RPS6KC1: variants seen among roughly 807,000 people sequenced by gnomAD.
The protein encoded by RPS6KC1 is inactive ribosomal protein S6 kinase delta-1.
A neutral mutation model predicts 103.8 loss-of-function variants in RPS6KC1; 54 were observed. The observed-to-expected ratio is 0.52, with a 90% confidence interval of 0.42 to 0.65. The LOEUF is 0.65. Ranked by LOEUF, RPS6KC1 falls within the 30% of genes least tolerant of loss-of-function variation. The probability of loss-of-function intolerance (pLI) is 0.00; values close to 1 mark genes in which losing one functional copy is unlikely to be tolerated. For synonymous variants in RPS6KC1, 439 were observed against 438.7 expected (o/e 1.00, Z -0.01); for missense variants, 1,151 against 1,253.8 (o/e 0.92, Z 1.24).
the RPS6KC1 span, among the ~76,000 whole-genome samples, chr1:213,469,193 C>T: frequency 6.6e-6 from 1 of 152,042 alleles, no homozygotes; most frequent in African/African-American, 2.4e-5. Flanking sequence ...CAGAGAGATG[C>T]AGGATGTATA....
intron 4 of RPS6KC1, among the ~76,000 whole-genome samples, chr1:213,116,184 G>A (rs940945203): frequency 3.3e-5 from 5 of 152,078 alleles, no homozygotes; most frequent in Non-Finnish European, 7.3e-5. Context: ...ATGTGTGGTA[G>A]TCTAAGTCTC....
chr1:213,778,164 A>T, the RPS6KC1 span, among the ~76,000 whole-genome samples: 1 of 152,222 alleles, frequency 6.6e-6, no homozygotes, highest in Non-Finnish European at 1.5e-5. Flanking sequence ...TGGAAAGTAG[A>T]AGGAGTTATC....
chr1:213,808,002 C>T, the RPS6KC1 span, among the ~76,000 whole-genome samples: 1 of 152,168 alleles, frequency 6.6e-6, no homozygotes. Context: ...ACAGACAGGA[C>T]CCTCAGCTGC....
chr1:213,340,801 T>C, the RPS6KC1 span, among the ~76,000 whole-genome samples: 2 of 152,130 alleles, frequency 1.3e-5, no homozygotes, highest in African/African-American at 4.8e-5. Flanking sequence ...GGAAACTTCC[T>C]GTGAATGGAC....
At chr1:213,769,510 A>G in the RPS6KC1 span, among the ~76,000 whole-genome samples, 1 of 96,734 alleles carries the variant, frequency 1.0e-5, no homozygotes, top group Non-Finnish European at 2.3e-5. Flanking sequence ...AGAGAGAGAG[A>G]GATGGACAGA....
At chr1:213,843,668 A>G in the RPS6KC1 span, 6 of 152,256 alleles carry the variant, frequency 3.9e-5, 1 homozygote, top group Admixed American at 1.3e-4. Flanking sequence ...CATTGGAAAT[A>G]AAGTGTAATC....
intron 1 of RPS6KC1, among the ~76,000 whole-genome samples, chr1:213,054,375 C>CT (rs2077173329): frequency 6.6e-6 from 1 of 152,104 alleles, no homozygotes; most frequent in Non-Finnish European, 1.5e-5. Flanking sequence ...AATGTAAGGT[C>CT]TGAGAGTCAA....
intron 6 of RPS6KC1, among the ~76,000 whole-genome samples, chr1:213,164,371 G>A (rs981670528): frequency 2.0e-5 from 3 of 152,050 alleles, no homozygotes; most frequent in Admixed American, 2.0e-4. Context: ...AACAACTTTG[G>A]ATTTTCTCCT....
At chr1:213,501,159 T>C in the RPS6KC1 span, among the ~76,000 whole-genome samples, 6 of 152,224 alleles carry the variant, frequency 3.9e-5, no homozygotes, top group African/African-American at 1.2e-4. Flanking sequence ...GTTTAGGATT[T>C]GGGGGAAAAC....
At chr1:213,744,024 G>A in the RPS6KC1 span, among the ~76,000 whole-genome samples, 3 of 152,190 alleles carry the variant, frequency 2.0e-5, no homozygotes, top group Non-Finnish European at 4.4e-5. Context: ...GAAGTGACTC[G>A]GAAATGGAAA....
chr1:213,124,524 G>T lies in RPS6KC1; in HGVS notation c.473-5003G>T, dbSNP rs186452358. 6.1e-3 allele frequency among the ~76,000 whole-genome samples: 927 copies of T among 152,188 alleles called. 3 individuals carry two copies. Among genetic ancestry groups the T allele is most frequent in the Non-Finnish European group, 0.01 (688 of 68,010 alleles). ...TCGTATGATATTTATATATAGTTTT[G>T]TATGAAATAAGTTGAATTGTAGTGT... On this transcript the variant is annotated intron_variant, in intron 5 of 14. Transcript: ENST00000366960.
At chr1:213,129,971 A>G in intron 6 of RPS6KC1, 82 bp downstream of exon 6, 2 of 1,314,164 alleles carry the variant, frequency 1.5e-6, no homozygotes, top group South Asian at 2.9e-5. Context: ...TATCTTCTGT[A>G]TAGTCTTATG....
intron 3 of RPS6KC1, among the ~76,000 whole-genome samples, chr1:213,098,573 G>A (rs1204325815): frequency 7.2e-5 from 11 of 152,144 alleles, no homozygotes; most frequent in Admixed American, 6.6e-4. Context: ...GAGGCCTGAG[G>A]AAAGGGAGAT....
the RPS6KC1 span, among the ~76,000 whole-genome samples, chr1:213,460,797 C>A: frequency 6.6e-6 from 1 of 152,148 alleles, no homozygotes; most frequent in Admixed American, 6.5e-5. Context: ...TGACAGAAAT[C>A]TCTCAGTATT....
the RPS6KC1 span, among the ~76,000 whole-genome samples, chr1:213,706,067 C>T: frequency 6.6e-6 from 1 of 152,130 alleles, no homozygotes; most frequent in African/African-American, 2.4e-5. Context: ...AAGAATGATG[C>T]AAGCACTTCC....
chr1:213,279,974 T>G, the RPS6KC1 span, among the ~76,000 whole-genome samples: 21 of 152,318 alleles, frequency 1.4e-4, no homozygotes, highest in African/African-American at 5.1e-4. Flanking sequence ...TGCTCAAGTT[T>G]GGGAGCTACT....
At chr1:213,097,913 GT>G (rs911693679) in intron 3 of RPS6KC1, among the ~76,000 whole-genome samples, 90 of 152,314 alleles carry the variant, frequency 5.9e-4, no homozygotes, top group African/African-American at 2.1e-3. Context: ...GAATTAGAGA[GT>G]TAGGGCCTTG....
the RPS6KC1 span, among the ~76,000 whole-genome samples, chr1:213,375,352 C>T: frequency 6.6e-6 from 1 of 152,008 alleles, no homozygotes; most frequent in South Asian, 2.1e-4. Context: ...CATATACACA[C>T]ATATTTAATA....
the RPS6KC1 span, among the ~76,000 whole-genome samples, chr1:213,670,617 C>T: frequency 7.4e-6 from 1 of 135,366 alleles, no homozygotes; most frequent in South Asian, 2.2e-4. Context: ...CTGCCACCCT[C>T]CCCCAGGCCA....
Sources: allele counts gnomAD v4.1 joint callset (sites outside exome capture counted in the v4.1 genomes callset), GRCh38; gene constraint gnomAD v4.1.1; transcripts MANE v1.5; gene names NCBI Gene and HGNC (gene_info 2026-07-23, HGNC 2026-07-21).